The following MGST1 variants were observed in gnomAD, a reference collection of about 807,000 sequenced individuals.
MGST1 encodes the protein microsomal glutathione S-transferase 1, also known as glutathione S-transferase 12.
In MGST1, 5 loss-of-function variants were observed where a neutral mutation model predicts 8.9. The ratio of observed to expected loss-of-function variants is 0.56; its 90% CI spans 0.29 to 1.19. The LOEUF (loss-of-function observed/expected upper bound fraction) is 1.19, where lower values mean the gene tolerates loss of function less well. MGST1 is among the 50% of genes most tolerant of loss of function. MGST1 has a pLI of 0.08. For synonymous variants in MGST1, 54 were observed against 67.8 expected, an observed-to-expected ratio of 0.80 and a Z score of 1.00; for missense variants, 182 against 187.4, an observed-to-expected ratio of 0.97 and a Z score of 0.17.
At chr12:16,358,879 A>C in intron 3 of MGST1, among the ~76,000 whole-genome samples, 1 of 133,168 alleles carries the variant, frequency 7.5e-6, no homozygotes. Context: ...ATGGACACCT[A>C]GGTTGCATTA....
intron 1 of MGST1, among the ~76,000 whole-genome samples, chr12:16,412,950 G>C (rs887837829): frequency 1.2e-4 from 18 of 152,174 alleles, no homozygotes; most frequent in Admixed American, 3.3e-4. Context: ...AGAAGAAAAG[G>C]CTCTTGATTC....
chr12:16,521,938 C>A (rs1457940692), intron 4 of MGST1, among the ~76,000 whole-genome samples: 1 of 77,858 alleles, frequency 1.3e-5, no homozygotes, highest in Non-Finnish European at 2.5e-5. Context: ...GAAGAATAAC[C>A]CCCAGAAAGG....
chr12:16,460,794 C>T (rs543208800), intron 4 of MGST1, among the ~76,000 whole-genome samples: 4 of 151,932 alleles, frequency 2.6e-5, no homozygotes, highest in East Asian at 3.9e-4. Flanking sequence ...CCCTCATAAG[C>T]GCATGTGTGT....
At chr12:16,589,762 A>C (rs951039828), downstream of MGST1, among the ~76,000 whole-genome samples, 3 of 152,064 alleles carry the variant, frequency 2.0e-5, no homozygotes, top group East Asian at 5.8e-4. The surrounding 1 kb of genome is among the most constrained non-coding windows in gnomAD (Gnocchi z 4.2). Flanking sequence ...AGTGATTAGG[A>C]ATATAGGTTC....
chr12:16,468,125 C>G (rs1292075674), intron 4 of MGST1, among the ~76,000 whole-genome samples: 1 of 152,124 alleles, frequency 6.6e-6, no homozygotes, highest in Admixed American at 6.6e-5. Flanking sequence ...GAGGAAGATT[C>G]AGAAGCTCAT....
chr12:16,446,663 C>A (rs1941082819), intron 4 of MGST1, among the ~76,000 whole-genome samples: 1 of 151,960 alleles, frequency 6.6e-6, no homozygotes, highest in South Asian at 2.1e-4. Context: ...TTATTGATTC[C>A]ATTTGTTCTG....
chr12:16,428,835 A>T (rs1261285763), intron 1 of MGST1, among the ~76,000 whole-genome samples: 2 of 151,980 alleles, frequency 1.3e-5, no homozygotes, highest in Non-Finnish European at 2.9e-5. Context: ...ATAATTTCTT[A>T]ATTTTTGGTC....
intron 4 of MGST1, among the ~76,000 whole-genome samples, chr12:16,496,007 C>T (rs1284414864): frequency 2.0e-5 from 3 of 151,982 alleles, no homozygotes; most frequent in Non-Finnish European, 2.9e-5. Flanking sequence ...TAAAATATAA[C>T]GTTGCAGGGA....
intron 4 of MGST1, among the ~76,000 whole-genome samples, chr12:16,477,969 T>C (rs1373746127): frequency 2.6e-5 from 4 of 152,330 alleles, no homozygotes; most frequent in Middle Eastern, 6.8e-3. Flanking sequence ...AACATCTTGG[T>C]CCTTTAAAAA....
In MGST1 at chr12:16,587,102, C is replaced by A. The variant is rs888874498; in HGVS notation, n.483-2426C>A. Among the ~76,000 whole-genome samples the A allele has an allele frequency of 1.4e-4, 22 of 152,132 alleles. No homozygotes were observed. Among genetic ancestry groups the A allele is most frequent in the African/African-American group, 4.3e-4 (18 of 41,432 alleles). Reference sequence around the variant, plus strand: ...TAATGCATTTAACTACCAAACTATGCCCACAAGGGTACTTGGACAATGGCT... The same window carrying A: ...TAATGCATTTAACTACCAAACTATGACCACAAGGGTACTTGGACAATGGCT... On this transcript the variant is annotated intron_variant and non_coding_transcript_variant, in intron 4 of 4. Transcript: ENST00000538857. This position sits in a 1 kb window ranked among gnomAD's most constrained non-coding sequence, Gnocchi z 4.3.
chr12:16,394,472 TTCTATCTTTCTTC>T (rs1940582804), intron 1 of MGST1, among the ~76,000 whole-genome samples: 1 of 143,840 alleles, frequency 7.0e-6, no homozygotes, highest in Admixed American at 7.0e-5. Flanking sequence ...CTCCCTCCCT[TTCTATCTTTCTTC>T]CTTTCTTTCT....
At chr12:16,551,094 TATA>T (rs1421254914) in intron 4 of MGST1, 2 of 632,868 alleles carry the variant, frequency 3.2e-6, no homozygotes, top group Non-Finnish European at 5.7e-6. Context: ...TTTTATTCCA[TATA>T]ACCATCCTGC....
At chr12:16,487,663 T>A (rs75308311) in intron 4 of MGST1, among the ~76,000 whole-genome samples, 2 of 152,148 alleles carry the variant, frequency 1.3e-5, no homozygotes, top group African/African-American at 4.8e-5. Flanking sequence ...AGACTTTTTT[T>A]AAGAGACAGA....
At chr12:16,499,304 T>G (rs1220605993) in intron 4 of MGST1, among the ~76,000 whole-genome samples, 1 of 152,216 alleles carries the variant, frequency 6.6e-6, no homozygotes, top group Non-Finnish European at 1.5e-5. Context: ...GGTATTCCTT[T>G]CCTTATCGTT....
chr12:16,384,235 C>T (rs1474929660), intron 1 of MGST1, among the ~76,000 whole-genome samples: 1 of 152,072 alleles, frequency 6.6e-6, no homozygotes, highest in Non-Finnish European at 1.5e-5. Flanking sequence ...TGCCCTCCTG[C>T]CCCCCAAAAT....
chr12:16,579,424 C>A (rs995784828), intron 4 of MGST1, among the ~76,000 whole-genome samples: 3 of 152,194 alleles, frequency 2.0e-5, no homozygotes, highest in Non-Finnish European at 4.4e-5. Flanking sequence ...ATTTACATAA[C>A]CTTCCAAGTT....
At chr12:16,522,786 G>C (rs1941656519) in intron 4 of MGST1, among the ~76,000 whole-genome samples, 1 of 152,058 alleles carries the variant, frequency 6.6e-6, no homozygotes, top group Non-Finnish European at 1.5e-5. Context: ...TGTGAGTTTT[G>C]TAAGTGTGCT....
At chr12:16,350,234 A>G (rs1939401841) in intron 1 of MGST1, among the ~76,000 whole-genome samples, 1 of 152,112 alleles carries the variant, frequency 6.6e-6, no homozygotes, top group African/African-American at 2.4e-5. Flanking sequence ...ACTCTACCCC[A>G]TGTCCTCTTA....
chr12:16,352,191 T>C (rs142763364), intron 1 of MGST1, among the ~76,000 whole-genome samples: 3,011 of 152,278 alleles, frequency 0.02, 104 homozygotes, highest in African/African-American at 0.069. Flanking sequence ...GTAGTGTACA[T>C]AATGTACATA....
Sources: allele counts gnomAD v4.1 joint callset (sites outside exome capture counted in the v4.1 genomes callset), GRCh38; gene constraint gnomAD v4.1.1; non-coding constraint Gnocchi (gnomAD v3.1); transcripts MANE v1.5; gene names NCBI Gene and HGNC (gene_info 2026-07-23, HGNC 2026-07-21).